KCND2: variants seen among roughly 807,000 people sequenced by gnomAD.
KCND2 encodes the protein A-type voltage-gated potassium channel KCND2.
KCND2 carries 16 observed loss-of-function variants against 54.4 expected under a neutral mutation model. The observed-to-expected ratio is 0.29, with a 90% confidence interval of 0.20 to 0.45. The LOEUF (loss-of-function observed/expected upper bound fraction) is 0.45. Ranked by LOEUF, KCND2 falls within the 20% of genes least tolerant of loss-of-function variation. KCND2 has a pLI of 1.00. For synonymous variants in KCND2, 317 were observed against 310.7 expected (o/e 1.02, Z -0.21); for missense variants, 486 against 824.2 (o/e 0.59, Z 5.02).
At chr7:120,339,151 A>T (rs1800200710) in intron 1 of KCND2, among the ~76,000 whole-genome samples, 1 of 151,328 alleles carries the variant, frequency 6.6e-6, no homozygotes, top group South Asian at 2.1e-4. Context: ...TCAGCCTCCC[A>T]AAGTGCTGGG....
chr7:120,517,732 T>C (rs949714843), intron 1 of KCND2, among the ~76,000 whole-genome samples: 11 of 152,190 alleles, frequency 7.2e-5, no homozygotes, highest in Non-Finnish European at 4.4e-5. Context: ...TTTTCATCTA[T>C]CTTCATTTTA....
intron 1 of KCND2, among the ~76,000 whole-genome samples, chr7:120,492,850 A>G (rs1472924351): frequency 6.6e-6 from 1 of 152,128 alleles, no homozygotes. Flanking sequence ...TTTTATAATC[A>G]AGTATTGATG....
At chr7:120,459,469 C>A (rs1326443561) in intron 1 of KCND2, among the ~76,000 whole-genome samples, 1 of 152,166 alleles carries the variant, frequency 6.6e-6, no homozygotes, top group East Asian at 1.9e-4. Context: ...CATCCCACTT[C>A]TTTGCTTTAG....
chr7:120,304,319 A>G (rs1032056773), intron 1 of KCND2, among the ~76,000 whole-genome samples: 3 of 152,208 alleles, frequency 2.0e-5, no homozygotes, highest in Non-Finnish European at 2.9e-5. Context: ...TATACAGCAC[A>G]CAGAATATGT....
intron 1 of KCND2, among the ~76,000 whole-genome samples, chr7:120,334,314 T>G (rs2116353003): frequency 6.6e-6 from 1 of 152,360 alleles, no homozygotes; most frequent in South Asian, 2.1e-4. Flanking sequence ...AGGCTAGAAC[T>G]AACACAACTC....
intron 1 of KCND2, among the ~76,000 whole-genome samples, chr7:120,698,419 T>A (rs1792358909): frequency 6.6e-6 from 1 of 152,174 alleles, no homozygotes; most frequent in Non-Finnish European, 1.5e-5. Flanking sequence ...AGTTTCCCAA[T>A]TTGTTACATA....
At chr7:120,625,906 A>C (rs1445547131) in intron 1 of KCND2, among the ~76,000 whole-genome samples, 1 of 152,112 alleles carries the variant, frequency 6.6e-6, no homozygotes, top group Non-Finnish European at 1.5e-5. Context: ...GAAAATTGGA[A>C]AAGTGAAAAT....
chr7:120,528,306 G>C (rs765347616), intron 1 of KCND2, among the ~76,000 whole-genome samples: 13 of 152,024 alleles, frequency 8.6e-5, no homozygotes, highest in Non-Finnish European at 1.6e-4. Flanking sequence ...TTAGCGTTTA[G>C]AATGGGAAGG....
At chr7:120,556,565 A>G (rs1350199987) in intron 1 of KCND2, among the ~76,000 whole-genome samples, 1 of 152,170 alleles carries the variant, frequency 6.6e-6, no homozygotes, top group African/African-American at 2.4e-5. Context: ...TCCCTATTTC[A>G]AAGTATTTTT....
intron 1 of KCND2, among the ~76,000 whole-genome samples, chr7:120,656,953 A>G (rs1443483112): frequency 6.6e-6 from 1 of 152,220 alleles, no homozygotes. Flanking sequence ...CTGAGACTGT[A>G]TGAGGCCTCT....
At chr7:120,711,368 G>A (rs575506606) in intron 1 of KCND2, among the ~76,000 whole-genome samples, 1 of 152,216 alleles carries the variant, frequency 6.6e-6, no homozygotes, top group Admixed American at 6.5e-5. Context: ...TATATGCAAA[G>A]CAATGAATTC....
At chr7:120,697,162 G>C (rs1434265703) in intron 1 of KCND2, among the ~76,000 whole-genome samples, 1 of 152,024 alleles carries the variant, frequency 6.6e-6, no homozygotes, top group African/African-American at 2.4e-5. Context: ...TTACAGATAT[G>C]GTTTATGTGT....
In KCND2 at chr7:120,481,123, A is replaced by T. The variant is rs772027812; in HGVS notation, c.1115+205376A>T. Among the ~76,000 whole-genome samples the T allele has an allele frequency of 4.5e-4, 69 of 152,350 alleles. No individual in the cohort carries two copies. In the Middle Eastern group the frequency reaches 0.017, roughly 38 times the overall value. Reference sequence around the variant, plus strand: ...CCAGTCTGAGAAGGCCTCAGATGGAAATGAGGAATACGGTATTGCAAACTG... The same window carrying T: ...CCAGTCTGAGAAGGCCTCAGATGGATATGAGGAATACGGTATTGCAAACTG... On this transcript the variant is annotated intron_variant, in intron 1 of 5. Transcript: ENST00000331113.
At chr7:120,457,334 T>C (rs1802214656) in intron 1 of KCND2, among the ~76,000 whole-genome samples, 1 of 152,216 alleles carries the variant, frequency 6.6e-6, no homozygotes, top group South Asian at 2.1e-4. Flanking sequence ...GGGTTTTTCT[T>C]TTCCACTGCA....
chr7:120,521,803 C>G (rs939781521), intron 1 of KCND2, among the ~76,000 whole-genome samples: 1 of 152,070 alleles, frequency 6.6e-6, no homozygotes, highest in Non-Finnish European at 1.5e-5. Flanking sequence ...TATAAACACA[C>G]GTATACTTGA....
intron 1 of KCND2, among the ~76,000 whole-genome samples, chr7:120,727,995 G>A (rs1792755988): frequency 6.6e-6 from 1 of 151,576 alleles, no homozygotes; most frequent in African/African-American, 2.4e-5. Flanking sequence ...TTAGCTGGGT[G>A]TGGTGGCATG....
chr7:120,552,718 A>G (rs1786981389), intron 1 of KCND2, among the ~76,000 whole-genome samples: 1 of 152,014 alleles, frequency 6.6e-6, no homozygotes, highest in Admixed American at 6.6e-5. Context: ...CACGAGGGTC[A>G]CTCCAGGAGA....
At position 120,659,178 on chromosome 7, in the gene KCND2, AT is replaced by A. The variant is rs1306397898; in HGVS notation, c.1116-73723del. Among the ~76,000 whole-genome samples, 3 of 152,218 alleles carry A rather than the reference AT, an allele frequency of 2.0e-5. No homozygotes were observed. The East Asian group carries it at 5.8e-4, about 29-fold the overall frequency. On this transcript the variant is annotated intron_variant, in intron 1 of 5. Transcript: ENST00000331113. ...GGGAAAAGGAGAAACAGAGAAGATC[AT>A]TCAAACTCAAGAGACTTCACAGTTT...
intron 1 of KCND2, among the ~76,000 whole-genome samples, chr7:120,621,276 CAAAAA>C (rs1175736454): frequency 0.025 from 1,166 of 47,100 alleles, 18 homozygotes; most frequent in African/African-American, 0.074. Context: ...GACTCCGTCT[CAAAAA>C]AAAAAAAAAA....
Sources: gnomAD v4.1 joint callset for allele counts (sites outside exome capture counted in the v4.1 genomes callset) on GRCh38, gnomAD v4.1.1 for gene constraint, MANE v1.5 for transcripts, NCBI Gene and HGNC (gene_info 2026-07-23, HGNC 2026-07-21) for gene names.